Variants in DCTN1 observed in about 807,000 individuals in gnomAD.
The protein encoded by DCTN1 is dynactin subunit 1, also known as 150 kDa dynein-associated polypeptide.
A neutral mutation model predicts 161.2 loss-of-function variants in DCTN1; 61 were observed. That is an observed-to-expected ratio of 0.38 (90% CI 0.31 to 0.47). The LOEUF is 0.47. DCTN1 is among the 20% of genes least tolerant of loss of function. The pLI is 0.99. For synonymous variants in DCTN1, 653 were observed against 632.4 expected (o/e 1.03, Z -0.49); for missense variants, 1,404 against 1,623.7 (o/e 0.86, Z 2.33).
At chr2:74,388,959 GA>G (rs1231565446) in intron 1 of DCTN1, among the ~76,000 whole-genome samples, 1 of 152,086 alleles carries the variant, frequency 6.6e-6, no homozygotes, top group Non-Finnish European at 1.5e-5. Context: ...TTCCACTCCA[GA>G]CAGAAGCCTA....
In DCTN1 at chr2:74,367,780, A is replaced by T; in HGVS notation, c.2100T>A (p.Asp700Glu). 1 of 1,614,168 alleles carries T rather than the reference A, an allele frequency of 6.2e-7. No homozygotes were observed. Among genetic ancestry groups the T allele is most frequent in the Non-Finnish European group, 8.5e-7 (1 of 1,180,038 alleles). ...CCTTGTGCAGCAGTTCAATGAGGAAATCCAAGGAGCGCTCATGGGCACTCA... is the reference window on the plus strand; with the variant it reads ...CCTTGTGCAGCAGTTCAATGAGGAATTCCAAGGAGCGCTCATGGGCACTCA... ...PEMSAHERSLDFLIELLHKDQ... is the reference protein window; with the variant it reads ...PEMSAHERSLEFLIELLHKDQ... Residue 700 changes from aspartate (D) to glutamate (E), a missense_variant, in exon 18 of 32, where the codon GAT becomes GAA. Asp to Glu is a conservative substitution (Grantham distance 45). Coordinates refer to ENST00000628224, the MANE Select transcript of DCTN1 (RefSeq NM_004082.5).
In DCTN1 at chr2:74,363,089, G is replaced by C. The variant is rs1471553344; in HGVS notation, c.3434C>G (p.Ala1145Gly). The stretch of plus-strand genomic sequence containing the variant: ...GCTGGTCTTACGATACAGCGCTCCA[G>C]CTGGTAACTCACTGCCAGGGCCCTC... ...SHEGPGSELP[A>G]GALYRKTSQL... Residue 1145 changes from alanine (A) to glycine (G), a missense_variant, in exon 29 of 32, where the codon GCT becomes GGT. Physicochemically the swap from Ala to Gly is moderately conservative, Grantham distance 60. Coordinates refer to ENST00000628224, the MANE Select transcript of DCTN1 (RefSeq NM_004082.5). 3 of 1,613,810 alleles carry C rather than the reference G, an allele frequency of 1.9e-6. No homozygotes were observed. The highest frequency in any genetic ancestry group is 1.7e-5 in the Admixed American group (1 of 59,980).
intron 5 of DCTN1, among the ~76,000 whole-genome samples, chr2:74,376,229 GA>G (rs1467973081): frequency 1.3e-5 from 2 of 152,076 alleles, no homozygotes; most frequent in Non-Finnish European, 2.9e-5. Context: ...GGGGTGTGGG[GA>G]TATTTATGGC....
At chr2:74,362,167 G>A (rs749542713) in intron 30 of DCTN1, 26 bp from the exon 31 acceptor site, 1 of 1,609,014 alleles carries the variant, frequency 6.2e-7, no homozygotes, top group Non-Finnish European at 8.5e-7. Context: ...GGAAGACAAG[G>A]GTTCATTTAT....
chr2:74,362,188 C>A (rs766564409), intron 30 of DCTN1, 47 bp from the exon 31 acceptor site: 2 of 1,565,120 alleles, frequency 1.3e-6, no homozygotes, highest in Non-Finnish European at 1.8e-6. Context: ...GGGACCCCCA[C>A]AGGCTAGCAC....
intron 1 of DCTN1, among the ~76,000 whole-genome samples, chr2:74,387,561 C>A (rs929127123): frequency 6.6e-6 from 1 of 152,226 alleles, no homozygotes; most frequent in African/African-American, 2.4e-5. Flanking sequence ...CCACCATCCA[C>A]TCAAAATAGA....
At chr2:74,376,114 C>T (rs996728921) in intron 5 of DCTN1, among the ~76,000 whole-genome samples, 31 of 152,226 alleles carry the variant, frequency 2.0e-4, no homozygotes, top group African/African-American at 7.5e-4. Context: ...CATGATTGAG[C>T]CCCACTCCAA....
At chr2:74,376,663 C>T in intron 5 of DCTN1, 79 bp downstream of exon 5, 1 of 1,373,252 alleles carries the variant, frequency 7.3e-7, no homozygotes, top group Non-Finnish European at 1.0e-6. Context: ...ATGCATGCAG[C>T]AGCCCAGGGA....
At chr2:74,374,948 G>C (rs1039811524) in intron 5 of DCTN1, among the ~76,000 whole-genome samples, 5 of 152,142 alleles carry the variant, frequency 3.3e-5, no homozygotes, top group Middle Eastern at 3.2e-3. Context: ...CACTGGGGAG[G>C]GACACATGGC....
intron 5 of DCTN1, among the ~76,000 whole-genome samples, chr2:74,375,380 C>G (rs527653205): frequency 1.3e-5 from 2 of 152,362 alleles, no homozygotes; most frequent in South Asian, 4.1e-4. Context: ...CAGGGGCCCT[C>G]TGCTTTGAAA....
rs1674678103 is a variant in DCTN1 at position 74,369,554 on chromosome 2, C to T, written c.1393-63G>A. ...AGGGTCGGCCAGCGGCGGTGGTTCA[C>T]ACCTGTAATCCCAGCACTTTGGGAG... On this transcript the variant is annotated intron_variant, in intron 13 of 31. Coordinates refer to ENST00000628224, the MANE Select transcript of DCTN1 (RefSeq NM_004082.5). This position sits in a 1 kb window ranked among gnomAD's most constrained non-coding sequence, Gnocchi z 4.9. 2 of 1,541,102 alleles carry T rather than the reference C, an allele frequency of 1.3e-6. No homozygotes were observed. Among genetic ancestry groups the T allele is most frequent in the Non-Finnish European group, 8.9e-7 (1 of 1,125,158 alleles).
At chr2:74,372,827 G>T in intron 7 of DCTN1, 101 bp downstream of exon 7, 2 of 1,212,574 alleles carry the variant, frequency 1.6e-6, no homozygotes, top group Non-Finnish European at 2.5e-6. Flanking sequence ...GATACACTAT[G>T]ACGAACTTTC....
At chr2:74,374,619 G>T (rs549194113) in intron 5 of DCTN1, 13 of 1,247,230 alleles carry the variant, frequency 1.0e-5, no homozygotes, top group South Asian at 6.1e-5. Flanking sequence ...GCAGGCACCG[G>T]AGCGGTGCCT....
chr2:74,363,431 T>C lies in DCTN1; in HGVS notation c.3212-4A>G. On this transcript the variant is annotated splice_region_variant and splice_polypyrimidine_tract_variant and intron_variant, in intron 27 of 31. Transcript: ENST00000628224. ...GGAGCCTGCCCAGGGATGGCTCCTG[T>C]GGGGACCATAAAAAATCTCATCAGC... 2 of 1,611,992 alleles carry C rather than the reference T, an allele frequency of 1.2e-6. No homozygotes were observed. The highest frequency in any genetic ancestry group is 1.1e-5 in the South Asian group (1 of 90,732).
At position 74,366,011 on chromosome 2, in the gene DCTN1, G is replaced by A. The variant is rs752851562; in HGVS notation, c.2768C>T (p.Pro923Leu). The A allele has an allele frequency of 1.1e-5, 18 of 1,614,096 alleles. No homozygotes were observed. The highest frequency in any genetic ancestry group is 1.6e-4 in the Middle Eastern group (1 of 6,084). The change falls in exon 24 of 32, where the codon CCG becomes CTG. Residue 923 changes from proline to leucine, a missense_variant. Physicochemically the swap from Pro to Leu is moderately conservative, Grantham distance 98 (BLOSUM62 -3). Coordinates refer to ENST00000628224, the MANE Select transcript of DCTN1 (RefSeq NM_004082.5). The stretch of plus-strand genomic sequence containing the variant: ...AAGGGCAGCAGCCCGCAGTTCAACC[G>A]GTGGAGGCTAAGGAATGGTCGGTAG... ...DAERPPSKPP[P>L]VELRAAALRA...
chr2:74,378,316 T>C (rs1675345075), intron 1 of DCTN1, 71 bp from the exon 2 acceptor site: 16 of 1,579,658 alleles, frequency 1.0e-5, no homozygotes, highest in Non-Finnish European at 1.4e-5. Context: ...GTATAAGAAA[T>C]GCCTCAGCCA....
At chr2:74,368,237 C>A in intron 16 of DCTN1, 106 bp from the exon 17 acceptor site, 1 of 1,450,780 alleles carries the variant, frequency 6.9e-7, no homozygotes, top group East Asian at 2.5e-5. Flanking sequence ...CATGGACACA[C>A]ATGGGAGAGA....
chr2:74,386,915 T>A (rs1374927105), intron 1 of DCTN1: 1 of 152,188 alleles, frequency 6.6e-6, no homozygotes, highest in East Asian at 1.9e-4. Context: ...TTACATGGCA[T>A]CAGAAAACCC....
At chr2:74,381,343 C>A (rs1675501445), upstream of DCTN1, among the ~76,000 whole-genome samples, 1 of 152,176 alleles carries the variant, frequency 6.6e-6, no homozygotes, top group African/African-American at 2.4e-5. Flanking sequence ...CTGCACTGGG[C>A]TTACTTCACT....
Sources: allele counts gnomAD v4.1 joint callset (sites outside exome capture counted in the v4.1 genomes callset), GRCh38; gene constraint gnomAD v4.1.1; non-coding constraint Gnocchi (gnomAD v3.1); transcripts MANE v1.5; gene names NCBI Gene and HGNC (gene_info 2026-07-23, HGNC 2026-07-21).